BAHCC1: variants seen among roughly 807,000 people sequenced by gnomAD.
BAHCC1 encodes BAH domain and coiled-coil containing 1.
Under a neutral mutation model 88.2 loss-of-function variants are expected in BAHCC1, and 43 were observed. That is an observed-to-expected ratio of 0.49 (90% CI 0.38 to 0.63). The LOEUF (loss-of-function observed/expected upper bound fraction) is 0.63, where lower values mean the gene tolerates loss of function less well. Ranked by LOEUF, BAHCC1 falls within the 20% of genes least tolerant of loss-of-function variation. The pLI is 0.00. For missense variants in BAHCC1, 3,023 were observed against 1,654.8 expected (o/e 1.83, Z -14.34); for synonymous variants, 1,510 against 745.5 (o/e 2.03, Z -16.71).
chr17:81,413,078 A>G (rs1335085768), intron 2 of BAHCC1: 1 of 436,686 alleles, frequency 2.3e-6, no homozygotes, highest in Non-Finnish European at 4.6e-6. Flanking sequence ...CGCCAATTAC[A>G]TAAAGGTGAA....
chr17:81,436,417 G>C (rs1598481218), intron 3 of BAHCC1, among the ~76,000 whole-genome samples: 1 of 152,246 alleles, frequency 6.6e-6, no homozygotes, highest in African/African-American at 2.4e-5. Flanking sequence ...CCTCTGGAGG[G>C]GGGACCGGGG....
rs782080183 is a variant in BAHCC1 at position 81,458,433 on chromosome 17, G to C, written c.5310G>C (p.Thr1770=). Residue 1770 remains threonine, a synonymous_variant, in exon 18 of 28, where the codon ACG becomes ACC. Coordinates refer to ENST00000675386, the MANE Select transcript of BAHCC1 (RefSeq NM_001377448.1). ...CCAGTGAGCGCCTCAAGAGGGCCAC[G>C]CGCAAGGGCACAGTGCTGCAGCCAG... is the stretch of plus-strand genomic sequence containing the variant. ...QLASERLKRA[T]RKGTVLQPVL... 12 of 738,538 alleles carry C rather than the reference G, an allele frequency of 1.6e-5. No homozygotes were observed. Among genetic ancestry groups the C allele is most frequent in the Non-Finnish European group, 2.7e-5 (11 of 401,228 alleles). The allele number at this position is 738,538 out of a possible 1,614,324, so 45.7% of individuals were successfully genotyped here.
At position 81,458,376 on chromosome 17, in the gene BAHCC1, C is replaced by G; in HGVS notation, c.5253C>G (p.Ala1751=). 1 of 724,568 alleles carries G rather than the reference C, an allele frequency of 1.4e-6. No individual in the cohort carries two copies. The highest frequency in any genetic ancestry group is 2.6e-5 in the East Asian group (1 of 38,134). The allele number at this position is 724,568 out of a possible 1,614,324, so 44.9% of individuals were successfully genotyped here. Residue 1751 remains alanine, a synonymous_variant, in exon 18 of 28, where the codon GCC becomes GCG. Transcript: ENST00000675386. The stretch of plus-strand genomic sequence containing the variant: ...ACGCCCTCTTCAACCCCTCTCGGGC[C>G]TTCGCCTGCCGTGAGGAGGGCAGCC... ...SRDALFNPSR[A]FACREEGSQL...
At chr17:81,455,838 G>A (rs577078027) in intron 15 of BAHCC1, among the ~76,000 whole-genome samples, 10 of 152,212 alleles carry the variant, frequency 6.6e-5, no homozygotes, top group South Asian at 6.2e-4. Context: ...GGGCTCTCTC[G>A]GCTGCCGACA....
intron 2 of BAHCC1, among the ~76,000 whole-genome samples, chr17:81,417,181 G>T (rs1257577334): frequency 6.6e-6 from 1 of 152,148 alleles, no homozygotes; most frequent in African/African-American, 2.4e-5. Flanking sequence ...TCTTCACCGG[G>T]GTGTCCGTCT....
intron 2 of BAHCC1, chr17:81,406,998 G>C: frequency 2.2e-6 from 1 of 456,286 alleles, no homozygotes; most frequent in Middle Eastern, 3.3e-4. Flanking sequence ...GGTGGGCTGG[G>C]TTCCTGCCTT....
chr17:81,407,817 C>T (rs1172108189), intron 2 of BAHCC1, among the ~76,000 whole-genome samples: 1 of 152,318 alleles, frequency 6.6e-6, no homozygotes, highest in East Asian at 1.9e-4. Flanking sequence ...CTCCTGTGTG[C>T]TCACACCATG....
At position 81,463,789 on chromosome 17, in the gene BAHCC1, C is replaced by T. The variant is rs782317302; in HGVS notation, c.7799C>T (p.Thr2600Met). Residue 2600 changes from threonine (T) to methionine (M), a missense_variant, in exon 28 of 28, where the codon ACG becomes ATG. Transcript: ENST00000675386. ...TYDPTTGRLVTADGVPILC is the reference protein window; with the variant it reads ...TYDPTTGRLVMADGVPILC Reference sequence around the variant, plus strand: ...GACCCCACCACCGGGCGCCTGGTGACGGCTGATGGCGTGCCCATCCTATGC... The same window carrying T: ...GACCCCACCACCGGGCGCCTGGTGATGGCTGATGGCGTGCCCATCCTATGC... 9.3e-6 allele frequency: 7 copies of T among 750,542 alleles called. No homozygotes were observed. Among genetic ancestry groups the T allele is most frequent in the African/African-American group, 3.4e-5 (2 of 58,372 alleles). The allele number at this position is 750,542 out of a possible 1,614,324, so 46.5% of individuals were successfully genotyped here. A position where few individuals can be genotyped will look rare whatever the true frequency, so the allele number is the denominator to read the frequency against.
chr17:81,462,163 A>T (rs2030354996), intron 26 of BAHCC1, 117 bp downstream of exon 26: 2 of 599,050 alleles, frequency 3.3e-6, no homozygotes, highest in Admixed American at 6.0e-5. Context: ...TTCAAGTTAA[A>T]AAATGTGGAA....
chr17:81,443,792 G>T lies in BAHCC1; in HGVS notation c.2216-17G>T. On this transcript the variant is annotated splice_polypyrimidine_tract_variant and intron_variant, in intron 5 of 27. Transcript: ENST00000675386. ...CCGCCCCAACCCTCTCCCGTCTGCT[G>T]TCTCGACCCTGTGCAGGTGGCGGTG... The T allele has an allele frequency of 1.4e-6, 1 of 708,298 alleles. No homozygotes were observed. 43.9% of individuals were successfully genotyped at this position (708,298 alleles called of 1,614,324 possible). A position where few individuals can be genotyped will look rare whatever the true frequency, so the allele number is the denominator to read the frequency against.
At position 81,399,962 on chromosome 17, in the gene BAHCC1, G is replaced by T; in HGVS notation, c.178+45G>T. On this transcript the variant is annotated intron_variant, in intron 2 of 27. Transcript: ENST00000675386. The surrounding 1 kb of genome is among the most constrained non-coding windows in gnomAD (Gnocchi z 4.5). ...GGGCGCGGGACGGGAGCGTTCGAGA[G>T]CGGAACAGGGCGCCCACCCCTCCGC... The T allele has an allele frequency of 7.8e-7, 1 of 1,274,858 alleles. No homozygotes were observed. 79.0% of individuals were successfully genotyped at this position (1,274,858 alleles called of 1,614,324 possible). A position where few individuals can be genotyped will look rare whatever the true frequency, so the allele number is the denominator to read the frequency against.
In BAHCC1 at chr17:81,447,738, C is replaced by A. The variant is rs1555654977; in HGVS notation, c.3866C>A (p.Pro1289His). 2.7e-6 allele frequency: 2 copies of A among 735,036 alleles called. No individual in the cohort carries two copies. The highest frequency in any genetic ancestry group is 1.9e-5 in the Admixed American group (1 of 52,366). The allele number at this position is 735,036 out of a possible 1,614,324, so 45.5% of individuals were successfully genotyped here. The change falls in exon 11 of 28, where the codon CCC becomes CAC. Residue 1289 changes from proline (P) to histidine (H), a missense_variant. Transcript: ENST00000675386. ...PDPQPPAASGPPSTVPLPHSS... is the reference protein window; with the variant it reads ...PDPQPPAASGHPSTVPLPHSS... ...CCTCAGCCCCCAGCGGCCTCTGGGC[C>A]CCCCAGCACAGTCCCCCTGCCTCAT...
chr17:81,431,335 C>T (rs998039428), intron 3 of BAHCC1, among the ~76,000 whole-genome samples: 7 of 138,006 alleles, frequency 5.1e-5, no homozygotes, highest in South Asian at 2.1e-4. Flanking sequence ...ACCCCCAGCC[C>T]GCTGAGACTT....
rs1361183215 is a variant in BAHCC1, at chr17:81,462,035, A to T, written c.7372A>T (p.Asn2458Tyr). The change falls in exon 26 of 28, where the codon AAT becomes TAT. Residue 2458 changes from asparagine (N) to tyrosine (Y), a missense_variant. Asn to Tyr is a moderately radical substitution (Grantham distance 143). Transcript: ENST00000675386. ...PARQLWKWSG[N>Y]PTQRRGMKGK... ...CCGGCAGCTCTGGAAGTGGTCGGGG[A>T]ATCCCACACAGGTAGGTCCAGCGGG... 1 of 776,044 alleles carries T rather than the reference A, an allele frequency of 1.3e-6. No individual in the cohort carries two copies. The highest frequency in any genetic ancestry group is 2.4e-6 in the Non-Finnish European group (1 of 416,308). The allele number at this position is 776,044 out of a possible 1,614,324, so 48.1% of individuals were successfully genotyped here.
intron 2 of BAHCC1, among the ~76,000 whole-genome samples, chr17:81,419,222 G>A (rs1555649268): frequency 6.6e-6 from 1 of 152,212 alleles, no homozygotes; most frequent in Non-Finnish European, 1.5e-5. Flanking sequence ...GGAGGTCCCA[G>A]AGTGGCCTCT....
At chr17:81,408,070 C>T (rs1413327191) in intron 2 of BAHCC1, among the ~76,000 whole-genome samples, 1 of 152,244 alleles carries the variant, frequency 6.6e-6, no homozygotes, top group Non-Finnish European at 1.5e-5. Context: ...CCCTTCAGCG[C>T]CTTCCCCGGC....
intron 2 of BAHCC1, among the ~76,000 whole-genome samples, chr17:81,400,531 G>A (rs2063802432): frequency 6.6e-6 from 1 of 152,362 alleles, no homozygotes; most frequent in Middle Eastern, 3.4e-3. Context: ...ACAAAGCGTG[G>A]CCAGAGTGCG....
rs368384015 is a variant in BAHCC1 at position 81,461,686 on chromosome 17, C to A, written c.7023C>A (p.Asp2341Glu). The A allele has an allele frequency of 1.5e-4, 109 of 722,566 alleles. No homozygotes were observed. The African/African-American group carries it at 1.6e-3, about 11-fold the overall frequency. The allele number at this position is 722,566 out of a possible 1,614,324, so 44.8% of individuals were successfully genotyped here. Reference protein sequence around the residue: ...SVSTSSLCSSDNEDSSYSSDD... With the variant: ...SVSTSSLCSSENEDSSYSSDD... Reference sequence around the variant, plus strand: ...CCACCTCCAGCCTCTGCTCCTCCGACAACGAGGACTCGTCCTACAGCTCAG... The same window carrying A: ...CCACCTCCAGCCTCTGCTCCTCCGAAAACGAGGACTCGTCCTACAGCTCAG... The change falls in exon 26 of 28, where the codon GAC becomes GAA. Residue 2341 changes from aspartate (D) to glutamate (E), a missense_variant. Physicochemically the swap from Asp to Glu is conservative, Grantham distance 45. Coordinates refer to ENST00000675386, the MANE Select transcript of BAHCC1 (RefSeq NM_001377448.1).
At chr17:81,398,933 TAAAA>T (rs551129478) in intron 1 of BAHCC1, among the ~76,000 whole-genome samples, 3 of 136,182 alleles carry the variant, frequency 2.2e-5, no homozygotes, top group Non-Finnish European at 4.8e-5. Flanking sequence ...GGAAGGTTAT[TAAAA>T]AAAAAAAAAA....
Sources: gnomAD v4.1 joint callset for allele counts (sites outside exome capture counted in the v4.1 genomes callset) on GRCh38, gnomAD v4.1.1 for gene constraint, Gnocchi (gnomAD v3.1) non-coding constraint, MANE v1.5 for transcripts, NCBI Gene and HGNC (gene_info 2026-07-23, HGNC 2026-07-21) for gene names.